Variants in UNC13C observed in about 807,000 individuals in gnomAD.
UNC13C encodes protein unc-13 homolog C.
A neutral mutation model predicts 245.4 loss-of-function variants in UNC13C; 174 were observed. The observed-to-expected ratio is 0.71, with a 90% CI of 0.63 to 0.80. The LOEUF (loss-of-function observed/expected upper bound fraction) is 0.80, where lower values mean the gene tolerates loss of function less well. Among genes scored for constraint, UNC13C ranks in the 30% least tolerant of loss-of-function variants. The pLI is 0.00. For missense variants in UNC13C, 2,829 were observed against 2,602.9 expected, an observed-to-expected ratio of 1.09 and a Z score of -1.89; for synonymous variants, 992 against 895.1, an observed-to-expected ratio of 1.11 and a Z score of -1.93.
At chr15:53,918,181 C>T in the UNC13C span, among the ~76,000 whole-genome samples, 1 of 152,144 alleles carries the variant, frequency 6.6e-6, no homozygotes, top group Non-Finnish European at 1.5e-5. Flanking sequence ...GTTTTGTTTT[C>T]GCTTTTGAAA....
chr15:53,871,798 T>C, the UNC13C span, among the ~76,000 whole-genome samples: 2 of 152,158 alleles, frequency 1.3e-5, no homozygotes, highest in Non-Finnish European at 2.9e-5. Context: ...GTACTTAAGA[T>C]AGTCTGCTCC....
chr15:53,902,705 A>C, the UNC13C span, among the ~76,000 whole-genome samples: 1 of 152,218 alleles, frequency 6.6e-6, no homozygotes, highest in African/African-American at 2.4e-5. Context: ...AGAAGCAAAA[A>C]ATTTGGAATG....
intron 8 of UNC13C, among the ~76,000 whole-genome samples, chr15:54,262,518 A>G (rs1268725407): frequency 6.6e-6 from 1 of 152,196 alleles, no homozygotes; most frequent in Non-Finnish European, 1.5e-5. Context: ...TAATTTTACT[A>G]TTTAAGAATT....
At chr15:54,050,061 C>A (rs1897210153) in intron 2 of UNC13C, 1 of 310,694 alleles carries the variant, frequency 3.2e-6, no homozygotes, top group Non-Finnish European at 6.4e-6. Context: ...CCTCCGCCTC[C>A]CAGGTTCAAG....
rs146668146 is a variant in UNC13C at position 54,188,618 on chromosome 15, T to C, written c.3071+44934T>C. Among the ~76,000 whole-genome samples, 4 of 152,316 alleles carry C rather than the reference T, an allele frequency of 2.6e-5. No individual in the cohort carries two copies. The East Asian group carries it at 7.7e-4, about 29-fold the overall frequency. ...GGATTGCTTTACTTCAGAGCCTAAG[T>C]TCTTAATAAGTACACTATTGCCTTG... On this transcript the variant is annotated intron_variant, in intron 4 of 32. Transcript: ENST00000260323.
At chr15:54,413,095 A>G (rs1417574146) in intron 18 of UNC13C, among the ~76,000 whole-genome samples, 1 of 152,130 alleles carries the variant, frequency 6.6e-6, no homozygotes, top group Non-Finnish European at 1.5e-5. Flanking sequence ...TGAAGGTTGA[A>G]TTAACATTGT....
chr15:54,616,507 G>T (rs1416948831), intron 30 of UNC13C, among the ~76,000 whole-genome samples: 1 of 151,928 alleles, frequency 6.6e-6, no homozygotes, highest in African/African-American at 2.4e-5. Flanking sequence ...AAAAAATGAT[G>T]TTGAGGATTC....
At chr15:54,094,853 C>G (rs537530503) in intron 2 of UNC13C, among the ~76,000 whole-genome samples, 8 of 152,324 alleles carry the variant, frequency 5.3e-5, no homozygotes, top group Non-Finnish European at 1.0e-4. Flanking sequence ...CCTGTCATCA[C>G]AGGGGGTCTC....
In UNC13C at chr15:53,999,512, T is replaced by A. The variant is rs919688341; in HGVS notation, c.-256-13136T>A. ...TATTGGTAATTTGTATTTCTTATTT[T>A]CTTCATCAATTTTTATTACCTATTT... On this transcript the variant is annotated intron_variant, in intron 1 of 32. Coordinates refer to ENST00000260323, the MANE Select transcript of UNC13C (RefSeq NM_001080534.3). Among the ~76,000 whole-genome samples, 10 of 152,134 alleles carry A rather than the reference T, an allele frequency of 6.6e-5. No homozygotes were observed. The South Asian group carries it at 2.1e-3, about 31-fold the overall frequency.
chr15:54,228,000 T>A (rs1418694870), intron 4 of UNC13C, among the ~76,000 whole-genome samples: 1 of 152,098 alleles, frequency 6.6e-6, no homozygotes, highest in Non-Finnish European at 1.5e-5. Flanking sequence ...GAGTCTGAAG[T>A]CAGAAACTTT....
intron 1 of UNC13C, among the ~76,000 whole-genome samples, chr15:54,010,472 T>G (rs1478495041): frequency 6.6e-6 from 1 of 151,948 alleles, no homozygotes; most frequent in African/African-American, 2.4e-5. Context: ...GAAAGAGACA[T>G]GTGAATAGAG....
intron 32 of UNC13C, 66 bp downstream of exon 32, chr15:54,624,020 G>T: frequency 6.3e-7 from 1 of 1,585,728 alleles, no homozygotes; most frequent in East Asian, 2.2e-5. Flanking sequence ...ACCTTACTGA[G>T]GGATTTGGAG....
the UNC13C span, among the ~76,000 whole-genome samples, chr15:53,850,338 C>T: frequency 1.3e-5 from 2 of 152,170 alleles, no homozygotes; most frequent in South Asian, 4.2e-4. Flanking sequence ...TCACTTGAAC[C>T]CCGGTGGTTG....
At position 54,405,274 on chromosome 15, in the gene UNC13C, G is replaced by C. The variant is rs558634155; in HGVS notation, c.4848-9708G>C. ...CTGGGTAAATTTGCTAAGCAGCAGA[G>C]GAGAAATGAAATTGCTGTCTTTTGG... On this transcript the variant is annotated intron_variant, in intron 18 of 32. Transcript: ENST00000260323. Among the ~76,000 whole-genome samples, 28 of 152,228 alleles carry C rather than the reference G, an allele frequency of 1.8e-4. No individual in the cohort carries two copies. The East Asian group carries it at 4.6e-3, about 25-fold the overall frequency.
intron 1 of UNC13C, among the ~76,000 whole-genome samples, chr15:53,979,213 G>A (rs1021178355): frequency 6.6e-6 from 1 of 152,140 alleles, no homozygotes; most frequent in Non-Finnish European, 1.5e-5. Context: ...GGGACAAATA[G>A]GGTTGAGATG....
chr15:54,329,266 C>T (rs2038378851), intron 14 of UNC13C, among the ~76,000 whole-genome samples: 1 of 151,814 alleles, frequency 6.6e-6, no homozygotes, highest in South Asian at 2.1e-4. Flanking sequence ...AAGCATTTAT[C>T]ATTTCTTCAT....
At chr15:54,094,068 A>T (rs8024174) in intron 2 of UNC13C, among the ~76,000 whole-genome samples, 28,809 of 151,730 alleles carry the variant, frequency 0.19, 2,813 homozygotes, top group East Asian at 0.23. Context: ...CACGGGCTAC[A>T]CTCATCAATG....
chr15:54,024,672 A>T (rs1237034597), intron 2 of UNC13C, among the ~76,000 whole-genome samples: 1 of 152,046 alleles, frequency 6.6e-6, no homozygotes, highest in African/African-American at 2.4e-5. Context: ...TAATCCCAGC[A>T]CTTTGGGAGG....
intron 23 of UNC13C, among the ~76,000 whole-genome samples, chr15:54,508,991 G>A (rs1894610658): frequency 6.6e-6 from 1 of 152,148 alleles, no homozygotes; most frequent in Non-Finnish European, 1.5e-5. Context: ...CCTGAGGTCA[G>A]GAGTTCAAGA....
Sources: allele counts gnomAD v4.1 joint callset (sites outside exome capture counted in the v4.1 genomes callset), GRCh38; gene constraint gnomAD v4.1.1; transcripts MANE v1.5; gene names NCBI Gene and HGNC (gene_info 2026-07-23, HGNC 2026-07-21).